DNAH6: variants seen among roughly 807,000 people sequenced by gnomAD.
DNAH6 encodes dynein axonemal heavy chain 6.
Under a neutral mutation model 491.4 loss-of-function variants are expected in DNAH6, and 340 were observed. That is an observed-to-expected ratio of 0.69 (90% confidence interval 0.63 to 0.76). The LOEUF (loss-of-function observed/expected upper bound fraction) is 0.76, where lower values mean the gene tolerates loss of function less well. Among genes scored for constraint, DNAH6 ranks in the 30% least tolerant of loss-of-function variants. DNAH6 has a pLI of 0.00. For synonymous variants in DNAH6, 1,603 were observed against 1,686.1 expected (o/e 0.95, Z 1.21); for missense variants, 4,443 against 4,972.2 (o/e 0.89, Z 3.20).
the DNAH6 span, among the ~76,000 whole-genome samples, chr2:84,487,357 A>G: frequency 6.6e-6 from 1 of 152,220 alleles, no homozygotes; most frequent in Non-Finnish European, 1.5e-5. Context: ...CCTCAAATCC[A>G]GGCACCACAG....
chr2:84,522,466 T>C (rs1676243838), intron 2 of DNAH6, among the ~76,000 whole-genome samples: 1 of 152,162 alleles, frequency 6.6e-6, no homozygotes, highest in Non-Finnish European at 1.5e-5. Flanking sequence ...GCCCCTTATT[T>C]CTTTCTCTTG....
In DNAH6 at chr2:84,602,482, C is replaced by CTTTTTTTTTT. The variant is rs3029846; in HGVS notation, c.2869-1840_2869-1831dup. Reference sequence around the variant, plus strand: ...TCATTGTTCTATAGATGTTGTGTCCCTTTTTTTTTTTTTTTTTTTTTTTTT... The same window carrying CTTTTTTTTTT: ...TCATTGTTCTATAGATGTTGTGTCCCTTTTTTTTTTTTTTTTTTTTTTTTTTTTTTTTTTT... On this transcript the variant is annotated intron_variant, in intron 18 of 76. Coordinates refer to ENST00000389394, the MANE Select transcript of DNAH6 (RefSeq NM_001370.2). Among the ~76,000 whole-genome samples the CTTTTTTTTTT allele has an allele frequency of 1.3e-3, 42 of 32,026 alleles. 5 individuals are homozygous for CTTTTTTTTTT. The highest frequency in any genetic ancestry group is 5.6e-3 in the African/African-American group (40 of 7,160). The allele number at this position is 32,026 out of a possible 152,430, so 21.0% of individuals were successfully genotyped here. A position where few individuals can be genotyped will look rare whatever the true frequency, so the allele number is the denominator to read the frequency against.
the DNAH6 span, among the ~76,000 whole-genome samples, chr2:84,488,351 A>G: frequency 2.0e-5 from 3 of 152,020 alleles, no homozygotes; most frequent in African/African-American, 7.2e-5. Context: ...CAATGTGCAC[A>G]TGTACCCTAA....
At chr2:84,782,870 A>G (rs1409079109) in intron 65 of DNAH6, among the ~76,000 whole-genome samples, 2 of 152,206 alleles carry the variant, frequency 1.3e-5, no homozygotes, top group Non-Finnish European at 2.9e-5. Flanking sequence ...ATGAGGCTCC[A>G]GAATATGGAG....
chr2:84,803,256 C>T (rs932429956), intron 70 of DNAH6, among the ~76,000 whole-genome samples: 3 of 151,990 alleles, frequency 2.0e-5, no homozygotes, highest in Admixed American at 2.0e-4. Context: ...ACTGGGTACA[C>T]ATGGACGTAA....
intron 41 of DNAH6, among the ~76,000 whole-genome samples, chr2:84,680,991 G>T (rs1693728565): frequency 6.6e-6 from 1 of 152,050 alleles, no homozygotes; most frequent in Non-Finnish European, 1.5e-5. Flanking sequence ...CTATGAGAGT[G>T]GTGGTCATTC....
At chr2:84,553,378 T>C (rs1319335551) in intron 10 of DNAH6, among the ~76,000 whole-genome samples, 1 of 78,980 alleles carries the variant, frequency 1.3e-5, no homozygotes, top group African/African-American at 5.8e-5. Context: ...TCTTTCTTTC[T>C]TTCTTTCTTT....
chr2:84,557,417 C>A (rs547380981), intron 10 of DNAH6, among the ~76,000 whole-genome samples: 79 of 151,390 alleles, frequency 5.2e-4, no homozygotes, highest in Non-Finnish European at 1.0e-3. Context: ...GAGGCCGAGG[C>A]GGGTGGATCA....
At chr2:84,784,958 T>A in intron 66 of DNAH6, 148 bp downstream of exon 66, 1 of 615,710 alleles carries the variant, frequency 1.6e-6, no homozygotes. Context: ...TTTTCACCTA[T>A]AACAAGCAGA....
chr2:84,540,051 T>C (rs140707914), intron 4 of DNAH6, among the ~76,000 whole-genome samples: 15 of 152,232 alleles, frequency 9.9e-5, no homozygotes, highest in South Asian at 8.3e-4. Flanking sequence ...TTTAAAACCA[T>C]GTAATAATGA....
At chr2:84,480,921 C>G in the DNAH6 span, among the ~76,000 whole-genome samples, 1 of 151,896 alleles carries the variant, frequency 6.6e-6, no homozygotes, top group African/African-American at 2.4e-5. Flanking sequence ...TAAAATTGCA[C>G]CATTGCACTC....
chr2:84,532,622 T>G (rs17025188), intron 4 of DNAH6, among the ~76,000 whole-genome samples: 3,590 of 152,242 alleles, frequency 0.024, 55 homozygotes, highest in Middle Eastern at 0.079. Flanking sequence ...TTTATAATCT[T>G]TCAATCTAGA....
chr2:84,779,919 G>A (rs890912108), intron 64 of DNAH6, among the ~76,000 whole-genome samples: 2 of 152,138 alleles, frequency 1.3e-5, no homozygotes, highest in Non-Finnish European at 2.9e-5. Flanking sequence ...ATATGAAATT[G>A]TTGGTTGGAA....
rs558313592 is a variant in DNAH6 at position 84,651,764 on chromosome 2, G to A, written c.5079-1555G>A. Among the ~76,000 whole-genome samples the A allele has an allele frequency of 1.6e-4, 25 of 152,146 alleles. No homozygotes were observed. The South Asian group carries it at 4.0e-3, about 24-fold the overall frequency. On this transcript the variant is annotated intron_variant, in intron 33 of 76. Coordinates refer to ENST00000389394, the MANE Select transcript of DNAH6 (RefSeq NM_001370.2). ...TCTTCTTTTATTTATTTTATTTAAT[G>A]TACAGGGATTTTAGTTGTACTTAAT... is the stretch of plus-strand genomic sequence containing the variant.
chr2:84,677,128 A>AT lies in DNAH6; in HGVS notation c.6741dup (p.Gln2248SerfsTer10). 6.4e-7 allele frequency: 1 copy of AT among 1,551,622 alleles called. No individual in the cohort carries two copies. Among genetic ancestry groups the AT allele is most frequent in the Non-Finnish European group, 8.7e-7 (1 of 1,146,922 alleles). On this transcript the variant is annotated frameshift_variant, in exon 41 of 77. Transcript: ENST00000389394. LOFTEE classifies it high-confidence loss of function. ...GCCCTCAGAGCACAGTCTGAAACAGATTTTTCAGGTGAGTGTCGATTTTAA... is the reference window on the plus strand; with the variant it reads ...GCCCTCAGAGCACAGTCTGAAACAGATTTTTTCAGGTGAGTGTCGATTTTAA...
intron 76 of DNAH6, among the ~76,000 whole-genome samples, chr2:84,816,944 G>C (rs1419237718): frequency 6.6e-6 from 1 of 152,166 alleles, no homozygotes; most frequent in Non-Finnish European, 1.5e-5. Flanking sequence ...CCTGTGGAAG[G>C]AGCCAGAAAT....
chr2:84,621,097 T>C (rs569188413), intron 24 of DNAH6, 94 bp from the exon 25 acceptor site: 13 of 1,304,738 alleles, frequency 1.0e-5, no homozygotes, highest in Middle Eastern at 2.2e-4. Context: ...CTTCAGCGTT[T>C]ATGTAGCTTA....
chr2:84,816,167 A>G, intron 76 of DNAH6, 84 bp downstream of exon 76: 2 of 1,119,036 alleles, frequency 1.8e-6, no homozygotes, highest in Middle Eastern at 2.2e-4. Context: ...TGATTGGCTC[A>G]AGATCTCCCT....
intron 4 of DNAH6, among the ~76,000 whole-genome samples, chr2:84,537,057 A>T (rs976452846): frequency 6.6e-6 from 1 of 152,028 alleles, no homozygotes; most frequent in African/African-American, 2.4e-5. Flanking sequence ...CATGGGTTTT[A>T]TAACATTCAA....
Sources: gnomAD v4.1 joint callset for allele counts (sites outside exome capture counted in the v4.1 genomes callset) on GRCh38, gnomAD v4.1.1 for gene constraint, MANE v1.5 for transcripts, NCBI Gene and HGNC (gene_info 2026-07-23, HGNC 2026-07-21) for gene names.